PHKB: variants seen among roughly 807,000 people sequenced by gnomAD.
The protein encoded by PHKB is phosphorylase b kinase regulatory subunit beta.
PHKB carries 122 observed loss-of-function variants against 152.1 expected under a neutral mutation model. That is an observed-to-expected ratio of 0.80 (90% CI 0.69 to 0.93). The LOEUF is 0.93. PHKB is among the 40% of genes least tolerant of loss of function. The probability of loss-of-function intolerance (pLI) is 0.00; values close to 1 mark genes in which losing one functional copy is unlikely to be tolerated. For missense variants in PHKB, 1,304 were observed against 1,328.4 expected, an observed-to-expected ratio of 0.98 and a Z score of 0.29; for synonymous variants, 436 against 464.9, an observed-to-expected ratio of 0.94 and a Z score of 0.80.
chr16:47,464,425 C>G (rs965692141), intron 1 of PHKB, among the ~76,000 whole-genome samples: 5 of 152,188 alleles, frequency 3.3e-5, no homozygotes, highest in Non-Finnish European at 7.3e-5. Context: ...TTTTCACAGA[C>G]AGGAAGCGAC....
chr16:47,517,470 T>A (rs1970617728), intron 6 of PHKB, among the ~76,000 whole-genome samples: 1 of 152,082 alleles, frequency 6.6e-6, no homozygotes, highest in East Asian at 1.9e-4. Flanking sequence ...TTGCCCAGGC[T>A]GTTCTCGATC....
intron 13 of PHKB, among the ~76,000 whole-genome samples, chr16:47,602,882 T>C (rs961515612): frequency 6.6e-6 from 1 of 152,190 alleles, no homozygotes; most frequent in African/African-American, 2.4e-5. Context: ...ATAGTGACTA[T>C]GGATATCCAG....
chr16:47,662,209 A>G (rs1597159662), intron 23 of PHKB, among the ~76,000 whole-genome samples: 1 of 152,332 alleles, frequency 6.6e-6, no homozygotes, highest in East Asian at 1.9e-4. Flanking sequence ...GCCATTTGAA[A>G]TGGAACATGG....
At chr16:47,551,769 TG>T (rs1381533710) in intron 7 of PHKB, among the ~76,000 whole-genome samples, 1 of 152,192 alleles carries the variant, frequency 6.6e-6, no homozygotes, top group Non-Finnish European at 1.5e-5. Context: ...TGAATATCCT[TG>T]TTAATTTTCT....
chr16:47,631,440 C>T (rs1422099642), intron 14 of PHKB, among the ~76,000 whole-genome samples: 1 of 152,176 alleles, frequency 6.6e-6, no homozygotes, highest in South Asian at 2.1e-4. Flanking sequence ...ACATTCCAAA[C>T]CAGACTACAA....
Position 47,547,472 on chromosome 16 carries a change from G to T in PHKB, c.634G>T (p.Val212Phe), listed in dbSNP as rs1971192859. ...IQNLVFCVER[V>F]YRVPDFGVWE... ...AAACCTTGTATTTTGTGTGGAAAGAGTTTACCGTGTGCCTGACTTTGGTGT... is the reference window on the plus strand; with the variant it reads ...AAACCTTGTATTTTGTGTGGAAAGATTTTACCGTGTGCCTGACTTTGGTGT... The change falls in exon 7 of 31, where the codon GTT becomes TTT. Residue 212 changes from valine (V) to phenylalanine (F), a missense_variant. Physicochemically the swap from Val to Phe is conservative, Grantham distance 50. Coordinates refer to ENST00000323584, the MANE Select transcript of PHKB (RefSeq NM_000293.3). The T allele has an allele frequency of 6.2e-7, 1 of 1,612,426 alleles. No homozygotes were observed. Among genetic ancestry groups the T allele is most frequent in the Admixed American group, 1.7e-5 (1 of 59,992 alleles).
In PHKB at chr16:47,641,115, GT is replaced by G. The variant is rs747552305; in HGVS notation, c.1514+32del. The G allele has an allele frequency of 3.3e-6, 5 of 1,535,642 alleles. No homozygotes were observed. The Admixed American group carries it at 5.0e-5, about 15-fold the overall frequency. ...GGTATGAAATCCAAGTGGGTGGTGT[GT>G]TTTTTTGTGGGGAGGGGAGGGGAGG... On this transcript the variant is annotated intron_variant, in intron 15 of 30. Transcript: ENST00000323584.
chr16:47,547,500 G>C lies in PHKB; in HGVS notation c.662G>C (p.Trp221Ser). 6.2e-7 allele frequency: 1 copy of C among 1,612,918 alleles called. No individual in the cohort carries two copies. Among genetic ancestry groups the C allele is most frequent in the Non-Finnish European group, 8.5e-7 (1 of 1,179,084 alleles). Residue 221 changes from tryptophan to serine, a missense_variant, in exon 7 of 31, where the codon TGG becomes TCG. Trp to Ser is a radical substitution (Grantham distance 177). Coordinates refer to ENST00000323584, the MANE Select transcript of PHKB (RefSeq NM_000293.3). ...RVYRVPDFGV[W>S]ERGSKYNNGS... ...TACCGTGTGCCTGACTTTGGTGTCT[G>C]GGAAAGAGGAAGCAAATATAATAAT... is the stretch of plus-strand genomic sequence containing the variant.
intron 14 of PHKB, among the ~76,000 whole-genome samples, chr16:47,619,670 A>G (rs1972583178): frequency 6.6e-6 from 1 of 152,142 alleles, no homozygotes; most frequent in Non-Finnish European, 1.5e-5. Context: ...GTGCCCACTG[A>G]TTATCTACGA....
rs1196514410 is a variant in PHKB at position 47,650,715 on chromosome 16, G to A, written c.1880+89G>A. 15 of 1,253,846 alleles carry A rather than the reference G, an allele frequency of 1.2e-5. No homozygotes were observed. The Middle Eastern group carries it at 7.4e-4, about 62-fold the overall frequency. The allele number at this position is 1,253,846 out of a possible 1,614,324, so 77.7% of individuals were successfully genotyped here. The stretch of plus-strand genomic sequence containing the variant: ...AAGAAAGGCCTCCTTGGATGTTTTT[G>A]TATCCTTCTTAGTATGTGGTGGAAT... On this transcript the variant is annotated intron_variant, in intron 19 of 30. Transcript: ENST00000323584.
intron 7 of PHKB, among the ~76,000 whole-genome samples, chr16:47,568,815 T>C (rs1971610534): frequency 6.6e-6 from 1 of 152,222 alleles, no homozygotes; most frequent in Non-Finnish European, 1.5e-5. Context: ...TTAATTTTCA[T>C]GTATTTGTGT....
At chr16:47,653,552 T>C (rs1294477281) in intron 20 of PHKB, among the ~76,000 whole-genome samples, 2 of 152,216 alleles carry the variant, frequency 1.3e-5, no homozygotes, top group Non-Finnish European at 2.9e-5. Flanking sequence ...TTAAACATTT[T>C]TTTCCACTAT....
At chr16:47,624,912 C>T (rs75047828) in intron 14 of PHKB, among the ~76,000 whole-genome samples, 1 of 152,330 alleles carries the variant, frequency 6.6e-6, no homozygotes, top group Non-Finnish European at 1.5e-5. Flanking sequence ...CCAATGATCT[C>T]TTTTCAGATG....
intron 6 of PHKB, among the ~76,000 whole-genome samples, chr16:47,531,219 A>T (rs1970856385): frequency 6.6e-6 from 1 of 152,114 alleles, no homozygotes; most frequent in South Asian, 2.1e-4. Context: ...CCATAGGGTG[A>T]CCTCTTCAAT....
intron 6 of PHKB, among the ~76,000 whole-genome samples, chr16:47,545,460 CT>C (rs1414500585): frequency 6.6e-6 from 1 of 152,220 alleles, no homozygotes; most frequent in Non-Finnish European, 1.5e-5. Context: ...GCCGTGAGGT[CT>C]GCTGTTAGTC....
intron 14 of PHKB, among the ~76,000 whole-genome samples, chr16:47,629,676 A>G (rs1029291730): frequency 3.9e-5 from 6 of 152,122 alleles, no homozygotes; most frequent in African/African-American, 1.4e-4. Flanking sequence ...ATTACTGGGT[A>G]TATACCCAAA....
intron 6 of PHKB, among the ~76,000 whole-genome samples, chr16:47,533,497 C>T (rs997726358): frequency 6.6e-6 from 1 of 152,216 alleles, no homozygotes; most frequent in Non-Finnish European, 1.5e-5. Context: ...AGGCCGCCCT[C>T]AACCCTGCCT....
Position 47,660,527 on chromosome 16 carries a change from G to A in PHKB, c.1993G>A (p.Val665Ile). ...TCAGACACTAATATCTGGAGCTGTGGTAGAACAACTTGATTTCCTACGAAT... is the reference window on the plus strand; with the variant it reads ...TCAGACACTAATATCTGGAGCTGTGATAGAACAACTTGATTTCCTACGAAT... Reference protein sequence around the residue: ...RLQTLISGAVVEQLDFLRISD... With the variant: ...RLQTLISGAVIEQLDFLRISD... The change falls in exon 21 of 31, where the codon GTA (valine) becomes ATA (isoleucine). Residue 665 changes from valine (V) to isoleucine (I), a missense_variant. Physicochemically the swap from Val to Ile is conservative, Grantham distance 29 (BLOSUM62 3). Coordinates refer to ENST00000323584, the MANE Select transcript of PHKB (RefSeq NM_000293.3). 1.2e-6 allele frequency: 2 copies of A among 1,613,624 alleles called. No homozygotes were observed. Among genetic ancestry groups the A allele is most frequent in the Non-Finnish European group, 1.7e-6 (2 of 1,179,594 alleles).
At chr16:47,489,361 C>T (rs536646262) in intron 1 of PHKB, among the ~76,000 whole-genome samples, 2 of 152,336 alleles carry the variant, frequency 1.3e-5, no homozygotes, top group Non-Finnish European at 2.9e-5. Context: ...TTCTCTTCCT[C>T]CAGTACTCAT....
Sources: allele counts gnomAD v4.1 joint callset (sites outside exome capture counted in the v4.1 genomes callset), GRCh38; gene constraint gnomAD v4.1.1; transcripts MANE v1.5; gene names NCBI Gene and HGNC (gene_info 2026-07-23, HGNC 2026-07-21).